The following KIF3A variants were observed in gnomAD, a reference collection of about 807,000 sequenced individuals.
KIF3A encodes kinesin-like protein KIF3A.
A neutral mutation model predicts 92.6 loss-of-function variants in KIF3A; 27 were observed. The ratio of observed to expected loss-of-function variants is 0.29; its 90% CI spans 0.21 to 0.40. The LOEUF (loss-of-function observed/expected upper bound fraction) is 0.40. KIF3A is among the 10% of genes least tolerant of loss of function. The pLI is 1.00. For missense variants in KIF3A, 581 were observed against 872.6 expected (o/e 0.67, Z 4.21); for synonymous variants, 250 against 275.4 (o/e 0.91, Z 0.92).
Position 132,702,638 on chromosome 5 carries a change from T to C in KIF3A, c.1678A>G (p.Thr560Ala). ...QERLDIEEKYTSLQEEAQGKT... is the reference protein window; with the variant it reads ...QERLDIEEKYASLQEEAQGKT... ...CCCTGTGCTTCCTCTTGCAAACTGGTATATTTTTCTTCAATATCCAAGCGT... is the reference window on the plus strand; with the variant it reads ...CCCTGTGCTTCCTCTTGCAAACTGGCATATTTTTCTTCAATATCCAAGCGT... The change falls in exon 14 of 19, where the codon ACC becomes GCC. Residue 560 changes from threonine (T) to alanine (A), a missense_variant. By Grantham distance (58) the Thr-to-Ala change is moderately conservative (BLOSUM62 0). Around this residue, in one of 5 missense-constraint regions of KIF3A, gnomAD observed 45 missense variants for 115.8 expected, o/e 0.39. Transcript: ENST00000403231. 3.7e-6 allele frequency: 6 copies of C among 1,612,706 alleles called. No homozygotes were observed. Among genetic ancestry groups the C allele is most frequent in the Non-Finnish European group, 5.1e-6 (6 of 1,179,296 alleles).
At position 132,700,167 on chromosome 5, in the gene KIF3A, A is replaced by C. The variant is rs768525902; in HGVS notation, c.2007+49T>G. On this transcript the variant is annotated intron_variant, in intron 17 of 18. Transcript: ENST00000403231. ...TTAATGACTCATATTCCTATAAAGA[A>C]ACAACAGTAGTTTTGTGTTTTGTTT... 8 of 1,012,174 alleles carry C rather than the reference A, an allele frequency of 7.9e-6. No individual in the cohort carries two copies. In the Admixed American group the frequency reaches 1.7e-4, roughly 22 times the overall value. The allele number at this position is 1,012,174 out of a possible 1,614,324, so 62.7% of individuals were successfully genotyped here.
chr5:132,697,246 T>C (rs76311888), intron 18 of KIF3A, among the ~76,000 whole-genome samples: 2,885 of 152,314 alleles, frequency 0.019, 79 homozygotes, highest in African/African-American at 0.061. Flanking sequence ...TATTTGTCCA[T>C]GTTTATGGCT....
At chr5:132,718,994 A>G (rs1753735179) in intron 5 of KIF3A, among the ~76,000 whole-genome samples, 3 of 152,206 alleles carry the variant, frequency 2.0e-5, no homozygotes, top group African/African-American at 7.2e-5. Context: ...TTACATAATC[A>G]GGGTTTTATT....
chr5:132,716,461 G>A lies in KIF3A; in HGVS notation c.757-19C>T. 1 of 1,584,524 alleles carries A rather than the reference G, an allele frequency of 6.3e-7. No homozygotes were observed. Among genetic ancestry groups the A allele is most frequent in the Non-Finnish European group, 8.6e-7 (1 of 1,164,338 alleles). On this transcript the variant is annotated intron_variant, in intron 6 of 18. Coordinates refer to ENST00000403231, the MANE Select transcript of KIF3A (RefSeq NM_001300791.2). ...CTGAACCCTAGCAATAAACAGAGATGAAAGTAAAGCTAAAATTTTTTTAAA... is the reference window on the plus strand; with the variant it reads ...CTGAACCCTAGCAATAAACAGAGATAAAAGTAAAGCTAAAATTTTTTTAAA...
intron 12 of KIF3A, among the ~76,000 whole-genome samples, 196 bp downstream of exon 12, chr5:132,703,267 T>TC (rs996820242): frequency 1.3e-5 from 2 of 152,136 alleles, no homozygotes; most frequent in Non-Finnish European, 2.9e-5. Flanking sequence ...TGTTTTCCTA[T>TC]CACACGGAAA....
intron 11 of KIF3A, among the ~76,000 whole-genome samples, 192 bp downstream of exon 11, chr5:132,706,259 T>A (rs528777479): frequency 3.8e-4 from 58 of 152,132 alleles, no homozygotes; most frequent in African/African-American, 1.4e-3. Flanking sequence ...GCTTAATGAG[T>A]CTTTAAGAAT....
intron 1 of KIF3A, among the ~76,000 whole-genome samples, chr5:132,735,094 AG>A (rs1191923903): frequency 1.3e-5 from 2 of 151,970 alleles, no homozygotes; most frequent in African/African-American, 2.4e-5. Context: ...CTTATTTATG[AG>A]GCACAGTCTC....
At chr5:132,690,702 C>A (rs1448422221), downstream of KIF3A, among the ~76,000 whole-genome samples, 1 of 151,736 alleles carries the variant, frequency 6.6e-6, no homozygotes, top group African/African-American at 2.4e-5. Flanking sequence ...CCGAGGCAGG[C>A]GGATCACAAG....
Position 132,702,104 on chromosome 5 carries a change from T to C in KIF3A, c.1867A>G (p.Ile623Val). 2 of 1,612,988 alleles carry C rather than the reference T, an allele frequency of 1.2e-6. No homozygotes were observed. The highest frequency in any genetic ancestry group is 1.7e-6 in the Non-Finnish European group (2 of 1,179,154). Residue 623 changes from isoleucine (I) to valine (V), a missense_variant, in exon 15 of 19, where the codon ATA (isoleucine) becomes GTA (valine). Physicochemically the swap from Ile to Val is conservative, Grantham distance 29. Around this residue, in one of 5 missense-constraint regions of KIF3A, gnomAD observed 112 missense variants for 144.3 expected, o/e 0.78. Coordinates refer to ENST00000403231, the MANE Select transcript of KIF3A (RefSeq NM_001300791.2). ...CTTTTTACCTGATAATCCCGAGGTA[T>C]AAAGTTATCAATAATAAGCATCTGA... ...RLQMLIIDNF[I>V]PRDYQEMIEN... is the part of the protein sequence containing the mutation.
intron 5 of KIF3A, among the ~76,000 whole-genome samples, chr5:132,720,061 C>T (rs776302344): frequency 1.4e-4 from 22 of 152,006 alleles, no homozygotes; most frequent in Non-Finnish European, 1.5e-4. Flanking sequence ...AGGCTGGTCT[C>T]AAACTCCTGG....
At chr5:132,726,296 T>G (rs531877001) in intron 3 of KIF3A, 58 bp downstream of exon 3, 2 of 1,578,278 alleles carry the variant, frequency 1.3e-6, no homozygotes, top group East Asian at 4.5e-5. Context: ...TTTATACCTA[T>G]GTGCCTTTCC....
intron 2 of KIF3A, among the ~76,000 whole-genome samples, chr5:132,729,971 T>C (rs1754167509): frequency 6.6e-6 from 1 of 152,036 alleles, no homozygotes; most frequent in Admixed American, 6.6e-5. Context: ...AGAAGATCGA[T>C]AAGATAAACC....
rs773270818 is a variant in KIF3A at position 132,693,097 on chromosome 5, A to G, written c.*3537T>C. ...AAAAACAACCAAAAACCATAATCAT[A>G]GTTTTAAAAACATGTTACAGAGGAA... On this transcript the variant is annotated 3_prime_UTR_variant, in exon 19 of 19. Transcript: ENST00000403231. 5.3e-5 allele frequency: 8 copies of G among 151,642 alleles called. No individual in the cohort carries two copies. Among genetic ancestry groups the G allele is most frequent in the African/African-American group, 1.5e-4 (6 of 41,216 alleles). 9.4% of individuals were successfully genotyped at this position (151,642 alleles called of 1,614,324 possible). A position where few individuals can be genotyped will look rare whatever the true frequency, so the allele number is the denominator to read the frequency against.
At chr5:132,712,807 G>A (rs1753473391) in intron 8 of KIF3A, among the ~76,000 whole-genome samples, 1 of 152,188 alleles carries the variant, frequency 6.6e-6, no homozygotes, top group African/African-American at 2.4e-5. Context: ...AAAATGTCAA[G>A]ATCAAGAAAG....
intron 2 of KIF3A, among the ~76,000 whole-genome samples, chr5:132,730,088 T>C (rs1754174090): frequency 6.6e-6 from 1 of 152,202 alleles, no homozygotes; most frequent in Admixed American, 6.5e-5. Context: ...AATAAGGGAA[T>C]AGTATAAACA....
At chr5:132,736,744 T>C (rs13156150) in intron 1 of KIF3A, 1 of 464,824 alleles carries the variant, frequency 2.2e-6, no homozygotes, top group Admixed American at 2.5e-5. Context: ...TAAATAATTA[T>C]CCGAGGCCTC....
chr5:132,712,953 A>G (rs571429100), intron 8 of KIF3A, among the ~76,000 whole-genome samples: 35 of 152,224 alleles, frequency 2.3e-4, no homozygotes, highest in African/African-American at 7.9e-4. Flanking sequence ...AGGTCAGAGG[A>G]TAAAGACCAT....
chr5:132,720,576 A>G (rs1442419738), intron 5 of KIF3A, 33 bp downstream of exon 5: 5 of 1,398,702 alleles, frequency 3.6e-6, no homozygotes, highest in Non-Finnish European at 5.0e-6. Flanking sequence ...CTCAACACAC[A>G]GATGCTTAAT....
At chr5:132,733,732 T>A (rs1313260785) in intron 2 of KIF3A, among the ~76,000 whole-genome samples, 1 of 152,210 alleles carries the variant, frequency 6.6e-6, no homozygotes, top group Non-Finnish European at 1.5e-5. Flanking sequence ...ACCACTGCAC[T>A]CCAGCCTGGG....
Sources: gnomAD v4.1 joint callset for allele counts (sites outside exome capture counted in the v4.1 genomes callset) on GRCh38, gnomAD v4.1.1 for gene constraint, gnomAD v4.1.1 regional missense constraint, MANE v1.5 for transcripts, NCBI Gene and HGNC (gene_info 2026-07-23, HGNC 2026-07-21) for gene names.